Variants in PAM observed in about 807,000 individuals in gnomAD.
PAM encodes the protein peptidylglycine alpha-amidating monooxygenase.
A neutral mutation model predicts 122.1 loss-of-function variants in PAM; 72 were observed. The ratio of observed to expected loss-of-function variants is 0.59; its 90% CI spans 0.49 to 0.72. PAM has a LOEUF of 0.72. PAM is among the 30% of genes least tolerant of loss of function. The pLI, the probability that PAM is intolerant of heterozygous loss-of-function variation, is 0.00. For missense variants in PAM, 1,106 were observed against 1,183.7 expected (o/e 0.93, Z 0.96); for synonymous variants, 389 against 404.4 (o/e 0.96, Z 0.46).
chr5:103,011,361 C>CA (rs1279761329), intron 21 of PAM, among the ~76,000 whole-genome samples: 1 of 145,594 alleles, frequency 6.9e-6, no homozygotes. Context: ...CACATACACA[C>CA]ACACACAAAC....
intron 1 of PAM, among the ~76,000 whole-genome samples, chr5:102,847,731 A>C (rs1780296360): frequency 6.6e-6 from 1 of 152,142 alleles, no homozygotes; most frequent in African/African-American, 2.4e-5. Context: ...TCAGATGATA[A>C]GGGGCAAAAT....
chr5:103,029,189 AC>A lies in PAM; in HGVS notation c.*125del. ...TACTAGTCTGTGTGGGACTGTACAC[AC>A]TTTATTTACTTCGTTTTGGTTAAGT... On this transcript the variant is annotated 3_prime_UTR_variant, in exon 26 of 26. Coordinates refer to ENST00000438793, the MANE Select transcript of PAM (RefSeq NM_001177306.2). 1.5e-6 allele frequency: 1 copy of A among 646,582 alleles called. No individual in the cohort carries two copies. Among genetic ancestry groups the A allele is most frequent in the Non-Finnish European group, 2.4e-6 (1 of 424,726 alleles). The allele number at this position is 646,582 out of a possible 1,614,324, so 40.1% of individuals were successfully genotyped here.
intron 7 of PAM, among the ~76,000 whole-genome samples, chr5:102,939,009 G>A (rs2151877422): frequency 6.6e-6 from 1 of 152,156 alleles, no homozygotes; most frequent in African/African-American, 2.4e-5. Context: ...TTCCCGTTTA[G>A]TACTAATTTC....
In PAM at chr5:102,968,309, G is replaced by T. The variant is rs888996706; in HGVS notation, c.1163-5807G>T. 5.3e-5 allele frequency among the ~76,000 whole-genome samples: 8 copies of T among 152,310 alleles called. No homozygotes were observed. In the East Asian group the frequency reaches 1.5e-3, roughly 29 times the overall value. ...CAGGGAAACCTGAATCCAGTCTAGTGAGCAGTTTGGAGGGCAACTGTCATT... is the reference window on the plus strand; with the variant it reads ...CAGGGAAACCTGAATCCAGTCTAGTTAGCAGTTTGGAGGGCAACTGTCATT... On this transcript the variant is annotated intron_variant, in intron 14 of 25. Coordinates refer to ENST00000438793, the MANE Select transcript of PAM (RefSeq NM_001177306.2).
At chr5:102,801,315 C>T (rs1764643397) in intron 1 of PAM, among the ~76,000 whole-genome samples, 1 of 152,056 alleles carries the variant, frequency 6.6e-6, no homozygotes, top group Admixed American at 6.5e-5. Context: ...TCAGGGCATT[C>T]GATTCAAATG....
intron 18 of PAM, 79 bp downstream of exon 18, chr5:103,005,305 T>G: frequency 1.2e-6 from 1 of 834,612 alleles, no homozygotes; most frequent in Admixed American, 2.0e-5. Flanking sequence ...TGTATGGGTT[T>G]TTTGTTTGTT....
intron 1 of PAM, chr5:102,755,554 G>A (rs1749913173): frequency 6.6e-6 from 1 of 152,308 alleles, no homozygotes; most frequent in African/African-American, 2.4e-5. Flanking sequence ...GAGGATTTTG[G>A]GGACTGAGCT....
At chr5:102,832,627 T>C (rs1486867467) in intron 1 of PAM, among the ~76,000 whole-genome samples, 1 of 152,196 alleles carries the variant, frequency 6.6e-6, no homozygotes, top group African/African-American at 2.4e-5. Flanking sequence ...TATTGTGCTG[T>C]ACTATGAGTA....
chr5:102,897,034 A>G (rs1236258776), intron 3 of PAM, among the ~76,000 whole-genome samples: 1 of 151,634 alleles, frequency 6.6e-6, no homozygotes, highest in Non-Finnish European at 1.5e-5. Flanking sequence ...TGGATCACAT[A>G]AAATAAAACT....
chr5:102,950,615 CA>C (rs1297246421), intron 11 of PAM, 101 bp from the exon 12 acceptor site: 11 of 705,250 alleles, frequency 1.6e-5, no homozygotes, highest in East Asian at 2.5e-5. Flanking sequence ...ATTAAACCCT[CA>C]AAAAAGGGGT....
At chr5:102,981,283 G>A (rs1769730856) in intron 15 of PAM, among the ~76,000 whole-genome samples, 1 of 152,188 alleles carries the variant, frequency 6.6e-6, no homozygotes, top group African/African-American at 2.4e-5. Context: ...CATATTTTCT[G>A]TAAGAATAGT....
At chr5:102,895,512 G>A (rs1195616524) in intron 3 of PAM, among the ~76,000 whole-genome samples, 2 of 151,682 alleles carry the variant, frequency 1.3e-5, no homozygotes. Context: ...GAGATTTAAA[G>A]GTAGGCAAGT....
At chr5:102,965,917 T>C (rs10515338) in intron 14 of PAM, among the ~76,000 whole-genome samples, 4,805 of 152,142 alleles carry the variant, frequency 0.032, 250 homozygotes, top group African/African-American at 0.11. Flanking sequence ...AATAGTCTAC[T>C]GTCAAAGCCT....
intron 10 of PAM, 122 bp downstream of exon 10, chr5:102,949,739 T>G: frequency 1.4e-6 from 1 of 708,862 alleles, no homozygotes; most frequent in African/African-American, 1.8e-5. Context: ...ATATAAGACC[T>G]TGAAATATTT....
chr5:102,783,735 C>T (rs1442382177), intron 1 of PAM, among the ~76,000 whole-genome samples: 1 of 152,106 alleles, frequency 6.6e-6, no homozygotes, highest in Non-Finnish European at 1.5e-5. Flanking sequence ...AGTATGAGGG[C>T]CACTTAACTA....
chr5:103,028,365 A>G (rs1015684709), intron 25 of PAM, 127 bp downstream of exon 25: 7 of 671,524 alleles, frequency 1.0e-5, no homozygotes, highest in African/African-American at 7.3e-5. Context: ...GCAGCTTAGC[A>G]TCTCCCAGAG....
chr5:102,779,305 T>G (rs1757988703), intron 1 of PAM, among the ~76,000 whole-genome samples: 1 of 151,734 alleles, frequency 6.6e-6, no homozygotes, highest in Admixed American at 6.6e-5. Flanking sequence ...GAATAAGTAA[T>G]TTATAATAAG....
At chr5:103,007,134 G>A in intron 19 of PAM, 123 bp downstream of exon 19, 1 of 672,466 alleles carries the variant, frequency 1.5e-6, no homozygotes, top group Non-Finnish European at 2.5e-6. Context: ...TTGTAACCTG[G>A]GTCATTGTAT....
intron 5 of PAM, among the ~76,000 whole-genome samples, chr5:102,917,212 T>C (rs758718277): frequency 6.6e-6 from 1 of 152,174 alleles, no homozygotes; most frequent in Non-Finnish European, 1.5e-5. Flanking sequence ...GCCCTGAAGA[T>C]AGTCAGTGGA....
Sources: allele counts gnomAD v4.1 joint callset (sites outside exome capture counted in the v4.1 genomes callset), GRCh38; gene constraint gnomAD v4.1.1; transcripts MANE v1.5; gene names NCBI Gene and HGNC (gene_info 2026-07-23, HGNC 2026-07-21).